Variants in GC observed in about 807,000 individuals in gnomAD.
GC encodes GC vitamin D binding protein.
Under a neutral mutation model 56.7 loss-of-function variants are expected in GC, and 43 were observed. That is an observed-to-expected ratio of 0.76 (90% confidence interval 0.59 to 0.98). The LOEUF (loss-of-function observed/expected upper bound fraction) is 0.98, where lower values mean the gene tolerates loss of function less well. Among genes scored for constraint, GC ranks in the 50% least tolerant of loss-of-function variants. The probability of loss-of-function intolerance (pLI) is 0.00; values close to 1 mark genes in which losing one functional copy is unlikely to be tolerated. For missense variants in GC, 529 were observed against 545.9 expected (o/e 0.97, Z 0.31); for synonymous variants, 216 against 202.7 (o/e 1.07, Z -0.56).
Position 71,752,643 on chromosome 4 carries a change from C to T in GC, c.1270G>A (p.Glu424Lys). The T allele has an allele frequency of 6.2e-7, 1 of 1,612,992 alleles. No homozygotes were observed. The highest frequency in any genetic ancestry group is 8.5e-7 in the Non-Finnish European group (1 of 1,179,210). ...TFTEYKKKLA[E>K]RLKAKLPDAT... ...TCAGGCAATTTTGCTTTTAGTCGCT[C>T]TGCCAGTCTGAAAAACCATTTAAAT... Residue 424 changes from glutamate to lysine, a missense_variant, in exon 11 of 13, where the codon GAG becomes AAG. Glu to Lys is a moderately conservative substitution (Grantham distance 56). Transcript: ENST00000273951.
chr4:71,804,061 G>C, upstream of GC: 1 of 735,586 alleles, frequency 1.4e-6, no homozygotes, highest in Non-Finnish European at 2.4e-6. Flanking sequence ...ATCAACGTTG[G>C]TCTTAGACAA....
intron 10 of GC, among the ~76,000 whole-genome samples, chr4:71,752,986 T>G (rs1578284038): frequency 6.6e-6 from 1 of 152,332 alleles, no homozygotes; most frequent in East Asian, 1.9e-4. Flanking sequence ...TTCAAATTCC[T>G]TAAAGAATAT....
intron 1 of GC, among the ~76,000 whole-genome samples, chr4:71,793,035 C>T (rs187740557): frequency 7.0e-4 from 107 of 152,206 alleles, no homozygotes; most frequent in Admixed American, 2.4e-3. Context: ...TGTTGGGGTA[C>T]GGGTACCATG....
At chr4:71,751,863 A>G (rs1741566464) in intron 11 of GC, among the ~76,000 whole-genome samples, 1 of 152,192 alleles carries the variant, frequency 6.6e-6, no homozygotes, top group Non-Finnish European at 1.5e-5. Flanking sequence ...AAATTTTAAT[A>G]TTCTTTAAAA....
rs1314671785 is a variant in GC at position 71,752,647 on chromosome 4, C to T, written c.1266G>A (p.Leu422=). 6.2e-7 allele frequency: 1 copy of T among 1,612,506 alleles called. No homozygotes were observed. Among genetic ancestry groups the T allele is most frequent in the Non-Finnish European group, 8.5e-7 (1 of 1,178,918 alleles). The change falls in exon 11 of 13, where the codon CTG becomes CTA. Residue 422 remains leucine, a synonymous_variant. Transcript: ENST00000273951. ...GCAATTTTGCTTTTAGTCGCTCTGC[C>T]AGTCTGAAAAACCATTTAAATGTAA... is the stretch of plus-strand genomic sequence containing the variant. ...ENTFTEYKKK[L]AERLKAKLPD...
chr4:71,801,883 CT>C (rs1743261533), intron 1 of GC, among the ~76,000 whole-genome samples: 1 of 138,422 alleles, frequency 7.2e-6, no homozygotes, highest in Non-Finnish European at 1.5e-5. Context: ...TTTCCTGTTT[CT>C]TTCTTCTTTT....
intron 3 of GC, 65 bp downstream of exon 3, chr4:71,768,236 T>C: frequency 7.1e-7 from 1 of 1,406,948 alleles, no homozygotes; most frequent in Non-Finnish European, 9.6e-7. Context: ...CAACACGTGG[T>C]ATAAAGGCCT....
intron 12 of GC, among the ~76,000 whole-genome samples, chr4:71,743,924 T>A (rs1741265663): frequency 6.6e-6 from 1 of 152,190 alleles, no homozygotes; most frequent in Non-Finnish European, 1.5e-5. Flanking sequence ...ATCCAGATGA[T>A]CAAAATGTAT....
chr4:71,775,461 T>C (rs1390191963), intron 1 of GC, among the ~76,000 whole-genome samples: 1 of 151,954 alleles, frequency 6.6e-6, no homozygotes, highest in East Asian at 1.9e-4. Flanking sequence ...TGGCTAGCCA[T>C]GTATGATCTA....
At chr4:71,777,722 G>A (rs964866277) in intron 1 of GC, among the ~76,000 whole-genome samples, 15 of 151,026 alleles carry the variant, frequency 9.9e-5, no homozygotes, top group Non-Finnish European at 3.0e-5. Context: ...AAAATTTGAA[G>A]ACTGAAATGG....
chr4:71,802,247 A>C (rs1743269083), intron 1 of GC, among the ~76,000 whole-genome samples: 1 of 152,166 alleles, frequency 6.6e-6, no homozygotes, highest in East Asian at 1.9e-4. Context: ...GCTTTTAATC[A>C]ATGCAATTAG....
At chr4:71,782,071 A>C (rs1373558363) in intron 1 of GC, among the ~76,000 whole-genome samples, 2 of 151,814 alleles carry the variant, frequency 1.3e-5, no homozygotes, top group Non-Finnish European at 2.9e-5. Context: ...AGAAGGAATA[A>C]ATTATGGCTC....
chr4:71,765,560 C>A lies in GC; in HGVS notation c.345G>T (p.Glu115Asp), dbSNP rs748216396. 1 of 1,613,704 alleles carries A rather than the reference C, an allele frequency of 6.2e-7. No homozygotes were observed. Among genetic ancestry groups the A allele is most frequent in the African/African-American group, 1.3e-5 (1 of 75,010 alleles). The part of the protein sequence containing the change: ...HPGTAECCTK[E>D]GLERKLCMAA... Reference sequence around the variant, plus strand: ...CCATGCAGAGCTTTCGTTCCAGGCCCTCTTTGGTGCAGCACTCAGCAGTGC... The same window carrying A: ...CCATGCAGAGCTTTCGTTCCAGGCCATCTTTGGTGCAGCACTCAGCAGTGC... Residue 115 changes from glutamate to aspartate, a missense_variant, in exon 4 of 13, where the codon GAG becomes GAT. By Grantham distance (45) the Glu-to-Asp change is conservative. Transcript: ENST00000273951.
At chr4:71,755,879 A>T (rs1578287328) in intron 8 of GC, among the ~76,000 whole-genome samples, 1 of 152,348 alleles carries the variant, frequency 6.6e-6, no homozygotes, top group Non-Finnish European at 1.5e-5. Context: ...GTAAAGTTTC[A>T]GTCCTATGTA....
At chr4:71,785,293 C>G (rs1742806479), upstream of GC, among the ~76,000 whole-genome samples, 1 of 151,648 alleles carries the variant, frequency 6.6e-6, no homozygotes, top group Non-Finnish European at 1.5e-5. Context: ...CACTGGCTTT[C>G]CAAATTTATA....
chr4:71,774,587 T>C (rs1231357057), intron 1 of GC, among the ~76,000 whole-genome samples: 1 of 151,978 alleles, frequency 6.6e-6, no homozygotes, highest in Non-Finnish European at 1.5e-5. Context: ...TAGAACACAT[T>C]GAAGCACTTA....
At chr4:71,773,978 TG>T (rs1167733768) in intron 1 of GC, among the ~76,000 whole-genome samples, 2 of 152,092 alleles carry the variant, frequency 1.3e-5, no homozygotes, top group African/African-American at 4.8e-5. Context: ...GGCATGATAT[TG>T]TTCATTTCAC....
chr4:71,805,231 C>T (rs1743337157), upstream of GC, among the ~76,000 whole-genome samples: 1 of 152,156 alleles, frequency 6.6e-6, no homozygotes, highest in South Asian at 2.1e-4. Context: ...TTTATATTTG[C>T]TGTTGAGCTG....
At chr4:71,802,601 A>G (rs1441508624) in intron 1 of GC, among the ~76,000 whole-genome samples, 3 of 152,216 alleles carry the variant, frequency 2.0e-5, no homozygotes, top group Admixed American at 2.0e-4. Context: ...AGCCCATCCT[A>G]AAGTTGAAAA....
Sources: allele counts gnomAD v4.1 joint callset (sites outside exome capture counted in the v4.1 genomes callset), GRCh38; gene constraint gnomAD v4.1.1; transcripts MANE v1.5; gene names NCBI Gene and HGNC (gene_info 2026-07-23, HGNC 2026-07-21).